The following WNK2 variants were observed in gnomAD, a reference collection of about 807,000 sequenced individuals.
The protein encoded by WNK2 is WNK lysine deficient protein kinase 2, also known as serine/threonine-protein kinase WNK2.
A neutral mutation model predicts 192.1 loss-of-function variants in WNK2; 67 were observed. That is an observed-to-expected ratio of 0.35 (90% CI 0.29 to 0.43). The LOEUF (loss-of-function observed/expected upper bound fraction) is 0.43. WNK2 is among the 20% of genes least tolerant of loss of function. WNK2 has a pLI of 1.00. For missense variants in WNK2, 2,698 were observed against 3,089.7 expected (o/e 0.87, Z 3.01); for synonymous variants, 1,439 against 1,393.9 (o/e 1.03, Z -0.72).
Position 93,288,880 on chromosome 9 carries a change from C to T in WNK2, c.4126C>T (p.Pro1376Ser). ...CCTGAGCCAGGCGGGCCCCAGCAAC[C>T]CTCCTGGGGCACCCCCAGCCCCTTT... ...QLLSQAGPSN[P>S]PGAPPAPLAP... Residue 1376 changes from proline (P) to serine (S), a missense_variant, in exon 20 of 30, where the codon CCT becomes TCT. Coordinates refer to ENST00000427277, the MANE Select transcript of WNK2 (RefSeq NM_006648.4). 1.9e-6 allele frequency: 3 copies of T among 1,611,242 alleles called. No homozygotes were observed. The highest frequency in any genetic ancestry group is 2.5e-6 in the Non-Finnish European group (3 of 1,179,278).
In WNK2 at chr9:93,231,001, A is replaced by T; in HGVS notation, c.968A>T (p.Asp323Val). ...AGGACGCCACCCATCATCCACCGAG[A>T]CCTGAAATGTGACAATATTTTCATC... Reference protein sequence around the residue: ...HTRTPPIIHRDLKCDNIFITG... With the variant: ...HTRTPPIIHRVLKCDNIFITG... Residue 323 changes from aspartate (D) to valine (V), a missense_variant, in exon 4 of 30, where the codon GAC (aspartate) becomes GTC (valine). Asp to Val is a radical substitution (Grantham distance 152). Transcript: ENST00000427277. 6.2e-7 allele frequency: 1 copy of T among 1,613,938 alleles called. No individual in the cohort carries two copies. The highest frequency in any genetic ancestry group is 8.5e-7 in the Non-Finnish European group (1 of 1,179,868).
chr9:93,274,168 G>A (rs537209137), intron 19 of WNK2, among the ~76,000 whole-genome samples: 19 of 152,126 alleles, frequency 1.2e-4, no homozygotes, highest in Non-Finnish European at 2.6e-4. Context: ...TTTTAAAAAC[G>A]TTAGTAAAAT....
At chr9:93,200,227 G>A (rs1832090996) in intron 2 of WNK2, among the ~76,000 whole-genome samples, 1 of 152,164 alleles carries the variant, frequency 6.6e-6, no homozygotes, top group African/African-American at 2.4e-5. Flanking sequence ...GCCTCCTCGA[G>A]GCCTGGCCTT....
intron 2 of WNK2, among the ~76,000 whole-genome samples, 196 bp downstream of exon 2, chr9:93,185,806 G>A (rs1829201872): frequency 6.6e-6 from 1 of 152,228 alleles, no homozygotes; most frequent in Non-Finnish European, 1.5e-5. Flanking sequence ...GGCTGTGTCC[G>A]TGCGCAGGTT....
intron 9 of WNK2, 150 bp from the exon 10 acceptor site, chr9:93,256,149 T>G (rs1843252256): frequency 2.0e-6 from 2 of 980,288 alleles, no homozygotes; most frequent in African/African-American, 1.7e-5. Flanking sequence ...TGCCCAGGGC[T>G]CCCTCACTGC....
Position 93,258,963 on chromosome 9 carries a change from G to T in WNK2, c.2415G>T (p.Thr805=). ...CGATTCCTGTTGTGCCCCCCATCACGCCCCTGGCGGGAATCGACGGCCTCC... is the reference window on the plus strand; with the variant it reads ...CGATTCCTGTTGTGCCCCCCATCACTCCCCTGGCGGGAATCGACGGCCTCC... ...MPPIPVVPPI[T]PLAGIDGLPP... Residue 805 remains threonine (T), a synonymous_variant, in exon 12 of 30, where the codon ACG becomes ACT. Transcript: ENST00000427277. The T allele has an allele frequency of 6.2e-7, 1 of 1,612,194 alleles. No individual in the cohort carries two copies. The highest frequency in any genetic ancestry group is 1.3e-5 in the African/African-American group (1 of 74,832).
chr9:93,318,048 G>A lies in WNK2; in HGVS notation c.6628+417G>A, dbSNP rs376980872. 2.2e-4 allele frequency: 352 copies of A among 1,612,076 alleles called. 1 individual carries two copies. Among genetic ancestry groups the A allele is most frequent in the Non-Finnish European group, 2.7e-4 (316 of 1,179,682 alleles). ...CCTAGGTTCCTGTGGTCCACGCGCCGTCTCCACACCCACTTCCTATACTTG... is the reference window on the plus strand; with the variant it reads ...CCTAGGTTCCTGTGGTCCACGCGCCATCTCCACACCCACTTCCTATACTTG... On this transcript the variant is annotated intron_variant, in intron 29 of 29. Transcript: ENST00000427277.
At chr9:93,288,491 G>A (rs1159262834) in intron 19 of WNK2, among the ~76,000 whole-genome samples, 1 of 152,218 alleles carries the variant, frequency 6.6e-6, no homozygotes, top group Non-Finnish European at 1.5e-5. Context: ...ATGGTCACAC[G>A]CTACAGAAGA....
intron 2 of WNK2, among the ~76,000 whole-genome samples, chr9:93,219,333 G>C (rs1003746236): frequency 6.6e-6 from 1 of 152,246 alleles, no homozygotes; most frequent in Non-Finnish European, 1.5e-5. Context: ...GGTGATGCCC[G>C]GCTTGAGTCC....
chr9:93,237,448 C>CGGTGAAGTGTTCGATTCA (rs1208017039), intron 5 of WNK2, among the ~76,000 whole-genome samples: 1 of 152,108 alleles, frequency 6.6e-6, no homozygotes, highest in East Asian at 1.9e-4. Context: ...CAGTCTGCTG[C>CGGTGAAGTGTTCGATTCA]GGTGAAGTGT....
chr9:93,289,613 A>G lies in WNK2; in HGVS notation c.4859A>G (p.Gln1620Arg). ...GTCTCAGGGCGTGTCCAGCTGCCCC[A>G]GCCCTTGGTGAGTAGCTGCCTTGTC... ...EAVSGRVQLPQPLVEKSELAP... is the reference protein window; with the variant it reads ...EAVSGRVQLPRPLVEKSELAP... The change falls in exon 20 of 30, where the codon CAG becomes CGG. Residue 1620 changes from glutamine (Q) to arginine (R), a missense_variant. Coordinates refer to ENST00000427277, the MANE Select transcript of WNK2 (RefSeq NM_006648.4). 2 of 1,474,902 alleles carry G rather than the reference A, an allele frequency of 1.4e-6. No homozygotes were observed. The highest frequency in any genetic ancestry group is 2.4e-5 in the East Asian group (1 of 42,208). 91.4% of individuals were successfully genotyped at this position (1,474,902 alleles called of 1,614,324 possible).
chr9:93,268,855 T>A (rs1443474519), intron 19 of WNK2, 109 bp downstream of exon 19: 2 of 1,574,514 alleles, frequency 1.3e-6, no homozygotes, highest in African/African-American at 2.7e-5. Context: ...TGCAGGGGGC[T>A]CACCCTGCCC....
Position 93,289,129 on chromosome 9 carries a change from G to A in WNK2, c.4375G>A (p.Ala1459Thr). Reference protein sequence around the residue: ...LVVGLAPCTPAPEAASTRDAS... With the variant: ...LVVGLAPCTPTPEAASTRDAS... ...GGTGGGCCTAGCACCTTGCACTCCAGCTCCAGAGGCTGCCTCAACCAGGGA... is the reference window on the plus strand; with the variant it reads ...GGTGGGCCTAGCACCTTGCACTCCAACTCCAGAGGCTGCCTCAACCAGGGA... Residue 1459 changes from alanine to threonine, a missense_variant, in exon 20 of 30, where the codon GCT (alanine) becomes ACT (threonine). Physicochemically the swap from Ala to Thr is moderately conservative, Grantham distance 58. This residue lies in a region of WNK2 where 1,098 missense variants were observed against 1,101.0 expected (regional missense o/e 1.00). Transcript: ENST00000427277. 1 of 1,602,440 alleles carries A rather than the reference G, an allele frequency of 6.2e-7. No homozygotes were observed. Among genetic ancestry groups the A allele is most frequent in the Non-Finnish European group, 8.5e-7 (1 of 1,173,936 alleles).
intron 2 of WNK2, among the ~76,000 whole-genome samples, chr9:93,202,573 G>T (rs1297883668): frequency 1.3e-5 from 2 of 151,918 alleles, no homozygotes; most frequent in African/African-American, 4.8e-5. Flanking sequence ...GTGGGTATTT[G>T]CACGGCTGAT....
chr9:93,287,375 A>G (rs1026447239), intron 19 of WNK2, among the ~76,000 whole-genome samples: 14 of 152,140 alleles, frequency 9.2e-5, no homozygotes, highest in Admixed American at 2.6e-4. Context: ...ACTGTGCCTC[A>G]GTGTTAGTCG....
chr9:93,200,396 C>G (rs936662940), intron 2 of WNK2, among the ~76,000 whole-genome samples: 1 of 152,168 alleles, frequency 6.6e-6, no homozygotes, highest in African/African-American at 2.4e-5. Context: ...GAGGAGGGCA[C>G]GTTCTGCATG....
chr9:93,208,771 T>C (rs1418878300), intron 2 of WNK2, among the ~76,000 whole-genome samples: 1 of 143,526 alleles, frequency 7.0e-6, no homozygotes, highest in African/African-American at 3.0e-5. Context: ...CCTCCGTGTG[T>C]GTGTTCTGCG....
intron 7 of WNK2, among the ~76,000 whole-genome samples, chr9:93,243,696 C>T (rs1391540317): frequency 6.6e-6 from 1 of 152,202 alleles, no homozygotes; most frequent in Non-Finnish European, 1.5e-5. Flanking sequence ...TTGTGTGCCC[C>T]GGCAGGTTGA....
chr9:93,210,396 C>T (rs1392939139), intron 2 of WNK2, among the ~76,000 whole-genome samples: 1 of 152,104 alleles, frequency 6.6e-6, no homozygotes, highest in Non-Finnish European at 1.5e-5. Flanking sequence ...GGGCAGACCA[C>T]TGGCTGCCAG....
Sources: gnomAD v4.1 joint callset for allele counts (sites outside exome capture counted in the v4.1 genomes callset) on GRCh38, gnomAD v4.1.1 for gene constraint, gnomAD v4.1.1 regional missense constraint, MANE v1.5 for transcripts, NCBI Gene and HGNC (gene_info 2026-07-23, HGNC 2026-07-21) for gene names.